TIA1: variants seen among roughly 807,000 people sequenced by gnomAD.
TIA1 encodes TIA1 cytotoxic granule associated RNA binding protein.
Under a neutral mutation model 65.9 loss-of-function variants are expected in TIA1, and 23 were observed. The ratio of observed to expected loss-of-function variants is 0.35; its 90% confidence interval spans 0.25 to 0.49. The LOEUF is 0.49. Among genes scored for constraint, TIA1 ranks in the 20% least tolerant of loss-of-function variants. TIA1 has a pLI of 0.98. For synonymous variants in TIA1, 147 were observed against 149.4 expected, an observed-to-expected ratio of 0.98 and a Z score of 0.12; for missense variants, 371 against 477.9, an observed-to-expected ratio of 0.78 and a Z score of 2.09.
chr2:70,248,422 G>C lies in TIA1; in HGVS notation c.9C>G (p.Asp3Glu), dbSNP rs1187683988. ME[D>E]EMPKTLYVGN... Reference sequence around the variant, plus strand: ...AGACTCACAGAGTCTTGGGCATCTCGTCCTCCATGGCTGCTGCTGTCGCGG... The same window carrying C: ...AGACTCACAGAGTCTTGGGCATCTCCTCCTCCATGGCTGCTGCTGTCGCGG... The change falls in exon 1 of 13, where the codon GAC becomes GAG. Residue 3 changes from aspartate (D) to glutamate (E), a missense_variant. Physicochemically the swap from Asp to Glu is conservative, Grantham distance 45 (BLOSUM62 2). Coordinates refer to ENST00000433529, the MANE Select transcript of TIA1 (RefSeq NM_022173.4). 1.9e-6 allele frequency: 3 copies of C among 1,600,510 alleles called. No homozygotes were observed. The highest frequency in any genetic ancestry group is 1.3e-5 in the African/African-American group (1 of 74,914).
chr2:70,228,517 A>C, intron 5 of TIA1: 1 of 1,170,124 alleles, frequency 8.5e-7, no homozygotes, highest in Non-Finnish European at 1.1e-6. Flanking sequence ...AGAACCATTA[A>C]AAAAGCATTG....
intron 2 of TIA1, among the ~76,000 whole-genome samples, chr2:70,232,256 C>T (rs1320676271): frequency 6.7e-6 from 1 of 149,250 alleles, no homozygotes; most frequent in East Asian, 2.0e-4. Context: ...AAATTATCTT[C>T]CCAGCCAGGC....
intron 2 of TIA1, among the ~76,000 whole-genome samples, chr2:70,232,219 A>AG (rs1330043400): frequency 6.8e-6 from 1 of 146,606 alleles, no homozygotes; most frequent in Non-Finnish European, 1.5e-5. Context: ...AAAAAAAAAA[A>AG]AAAAAAGAAA....
At chr2:70,214,266 A>G in intron 12 of TIA1, 83 bp downstream of exon 12, 1 of 1,483,864 alleles carries the variant, frequency 6.7e-7, no homozygotes, top group Non-Finnish European at 9.1e-7. Flanking sequence ...CCTATTACCC[A>G]CTAATTCTTA....
chr2:70,214,308 AT>A, intron 12 of TIA1, 40 bp downstream of exon 12: 1 of 1,565,380 alleles, frequency 6.4e-7, no homozygotes, highest in South Asian at 1.2e-5. Context: ...TTCTTTAGAC[AT>A]TTTCAAAGGT....
rs1450599332 is a variant in TIA1, at chr2:70,216,435, T to C, written c.648A>G (p.Val216=). ...GCCCAGAAGTAACACCTCCACAGTA[T>C]ACAGTACAGTTGCTTGGACTAGACT... ...VNQSSPSNCT[V]YCGGVTSGLT... Residue 216 remains valine, a synonymous_variant, in exon 9 of 13, where the codon GTA becomes GTG. Transcript: ENST00000433529. The C allele has an allele frequency of 4.3e-6, 7 of 1,613,920 alleles. No individual in the cohort carries two copies. In the East Asian group the frequency reaches 6.7e-5, roughly 15 times the overall value.
rs1319238713 is a variant in TIA1, at chr2:70,224,584, T to C, written c.444A>G (p.Gly148=). Residue 148 remains glycine (G), a synonymous_variant, in exon 7 of 13, where the codon GGA becomes GGG. Transcript: ENST00000433529. ...TGTTGAAAAAGGAGACAAAGCCATA[T>C]CCCTTAGACTTTCCTGTTGCCATGT... is the stretch of plus-strand genomic sequence containing the variant. ...VKDMATGKSK[G]YGFVSFFNKW... 6.2e-7 allele frequency: 1 copy of C among 1,613,922 alleles called. No homozygotes were observed. Among genetic ancestry groups the C allele is most frequent in the Non-Finnish European group, 8.5e-7 (1 of 1,179,996 alleles).
In TIA1 at chr2:70,232,274, C is replaced by A. The variant is rs562153402; in HGVS notation, c.124-1420G>T. ...TTATCTTCCCAGCCAGGCATGATGG[C>A]TCACACCTGTAATCCCAGCACTTTG... On this transcript the variant is annotated intron_variant, in intron 2 of 12. Transcript: ENST00000433529. 2.0e-4 allele frequency among the ~76,000 whole-genome samples: 30 copies of A among 150,480 alleles called. 1 individual carries two copies. Among genetic ancestry groups the A allele is most frequent in the Admixed American group, 1.3e-3 (20 of 15,118 alleles).
At chr2:70,236,973 T>C (rs1689271182) in intron 1 of TIA1, among the ~76,000 whole-genome samples, 1 of 152,226 alleles carries the variant, frequency 6.6e-6, no homozygotes, top group South Asian at 2.1e-4. Context: ...CTCCATCGGT[T>C]TCTAAAGTTG....
upstream of TIA1, chr2:70,248,717 C>G (rs1284426855): frequency 1.2e-5 from 6 of 516,402 alleles, no homozygotes; most frequent in Non-Finnish European, 2.1e-5. Flanking sequence ...GGCCGCCCGG[C>G]TACACCTTAA....
At position 70,219,943 on chromosome 2, in the gene TIA1, C is replaced by A. The variant is rs145700817; in HGVS notation, c.475-2949G>T. ...CCCAACCAGTCCGAACTCCATGAGA[C>A]GCTTAACTAATGTTATGTGTTGAAT... On this transcript the variant is annotated intron_variant, in intron 7 of 12. Coordinates refer to ENST00000433529, the MANE Select transcript of TIA1 (RefSeq NM_022173.4). 1.4e-4 allele frequency among the ~76,000 whole-genome samples: 21 copies of A among 152,100 alleles called. No individual in the cohort carries two copies. In the East Asian group the frequency reaches 3.9e-3, roughly 28 times the overall value.
At chr2:70,215,817 T>C (rs1451832933) in intron 10 of TIA1, among the ~76,000 whole-genome samples, 2 of 152,128 alleles carry the variant, frequency 1.3e-5, no homozygotes, top group Non-Finnish European at 2.9e-5. Context: ...ATTGTGATCT[T>C]GGCTCACTGC....
chr2:70,243,156 C>T (rs947349829), intron 1 of TIA1, among the ~76,000 whole-genome samples: 17 of 152,190 alleles, frequency 1.1e-4, no homozygotes, highest in South Asian at 6.2e-4. Flanking sequence ...ACACCAGGCA[C>T]GGTGGCTCAC....
chr2:70,212,690 C>T lies in TIA1; in HGVS notation c.*29G>A. ...TTACTACACTCCCTGTAGCCTCAAG[C>T]CACTGGCTTTAGATTCTGGAGTCCT... is the stretch of plus-strand genomic sequence containing the variant. On this transcript the variant is annotated 3_prime_UTR_variant, in exon 13 of 13. Transcript: ENST00000433529. 6.9e-7 allele frequency: 1 copy of T among 1,438,878 alleles called. No individual in the cohort carries two copies. Among genetic ancestry groups the T allele is most frequent in the Non-Finnish European group, 9.8e-7 (1 of 1,020,306 alleles). The allele number at this position is 1,438,878 out of a possible 1,614,324, so 89.1% of individuals were successfully genotyped here.
At chr2:70,236,205 T>C in intron 1 of TIA1, 30 bp from the exon 2 acceptor site, 2 of 1,400,014 alleles carry the variant, frequency 1.4e-6, no homozygotes, top group South Asian at 1.2e-5. Context: ...AATTTACCTT[T>C]TTTTTTTTTT....
intron 12 of TIA1, among the ~76,000 whole-genome samples, chr2:70,213,747 G>C (rs571495725): frequency 6.6e-6 from 1 of 152,128 alleles, no homozygotes; most frequent in East Asian, 1.9e-4. Context: ...CGCCTCCCAG[G>C]TTCAAGTGAT....
rs1055455586 is a variant in TIA1, at chr2:70,226,957, T to C, written c.398+778A>G. Among the ~76,000 whole-genome samples the C allele has an allele frequency of 5.9e-5, 9 of 152,256 alleles. 2 individuals are homozygous for C. In the South Asian group the frequency reaches 1.9e-3, roughly 32 times the overall value. ...CTTTCCAGTCTCCTCATCTCATCTCTGCTGTTGGTCTGTTCAAACCAAACC... is the reference window on the plus strand; with the variant it reads ...CTTTCCAGTCTCCTCATCTCATCTCCGCTGTTGGTCTGTTCAAACCAAACC... On this transcript the variant is annotated intron_variant, in intron 6 of 12. Transcript: ENST00000433529.
In TIA1 at chr2:70,248,401, TCA is replaced by T; in HGVS notation, c.26+2_26+3del. On this transcript the variant is annotated splice_donor_variant and splice_donor_region_variant and intron_variant, in intron 1 of 12. Transcript: ENST00000433529. LOFTEE classifies it high-confidence loss of function. ...CGCCTCCCTCATCGCTGCCCCAGAC[TCA>T]CAGAGTCTTGGGCATCTCGTCCTCC... 1 of 1,600,230 alleles carries T rather than the reference TCA, an allele frequency of 6.2e-7. No individual in the cohort carries two copies. Among genetic ancestry groups the T allele is most frequent in the Non-Finnish European group, 8.5e-7 (1 of 1,179,820 alleles).
chr2:70,231,971 G>A (rs1357164926), intron 2 of TIA1, among the ~76,000 whole-genome samples: 1 of 151,908 alleles, frequency 6.6e-6, no homozygotes, highest in East Asian at 2.0e-4. Flanking sequence ...GAGAGGCCGA[G>A]GCAGGCGGAT....
Sources: allele counts gnomAD v4.1 joint callset (sites outside exome capture counted in the v4.1 genomes callset), GRCh38; gene constraint gnomAD v4.1.1; transcripts MANE v1.5; gene names NCBI Gene and HGNC (gene_info 2026-07-23, HGNC 2026-07-21).